Variants in ZSCAN5A observed in about 807,000 individuals in gnomAD.
The protein encoded by ZSCAN5A is zinc finger and SCAN domain-containing protein 5A.
ZSCAN5A carries 12 observed loss-of-function variants against 23.7 expected under a neutral mutation model. That is an observed-to-expected ratio of 0.51 (90% CI 0.32 to 0.82). The LOEUF (loss-of-function observed/expected upper bound fraction) is 0.82. Ranked by LOEUF, ZSCAN5A falls within the 40% of genes least tolerant of loss-of-function variation. The pLI is 0.03. For synonymous variants in ZSCAN5A, 257 were observed against 239.9 expected, an observed-to-expected ratio of 1.07 and a Z score of -0.66; for missense variants, 597 against 617.9, an observed-to-expected ratio of 0.97 and a Z score of 0.36.
At chr19:56,324,067 G>T (rs2041409895) in intron 2 of ZSCAN5A, among the ~76,000 whole-genome samples, 1 of 152,052 alleles carries the variant, frequency 6.6e-6, no homozygotes, top group Admixed American at 6.5e-5. Flanking sequence ...CTACTGAACA[G>T]TAGATCTTAT....
intron 2 of ZSCAN5A, among the ~76,000 whole-genome samples, chr19:56,267,242 GTTGT>G (rs1368605016): frequency 2.6e-5 from 4 of 151,940 alleles, no homozygotes; most frequent in African/African-American, 7.3e-5. Flanking sequence ...TGTCAATATT[GTTGT>G]TTGTCTTCCT....
chr19:56,346,779 G>A (rs1385586898), intron 2 of ZSCAN5A, among the ~76,000 whole-genome samples: 1 of 151,790 alleles, frequency 6.6e-6, no homozygotes, highest in Middle Eastern at 3.2e-3. Flanking sequence ...TGCCATCTCT[G>A]CTCACTGCAA....
intron 2 of ZSCAN5A, among the ~76,000 whole-genome samples, chr19:56,248,293 CTCTT>C (rs1255608790): frequency 1.3e-5 from 2 of 151,584 alleles, no homozygotes; most frequent in African/African-American, 2.4e-5. Flanking sequence ...TGGGGCCTCA[CTCTT>C]TCACCCAGGC....
At chr19:56,260,596 A>G (rs1447796308) in intron 2 of ZSCAN5A, among the ~76,000 whole-genome samples, 1 of 151,842 alleles carries the variant, frequency 6.6e-6, no homozygotes, top group Non-Finnish European at 1.5e-5. Context: ...TTTAATGTGC[A>G]GTAAAATATC....
At chr19:56,300,150 T>C (rs1354761568) in intron 2 of ZSCAN5A, among the ~76,000 whole-genome samples, 1 of 151,938 alleles carries the variant, frequency 6.6e-6, no homozygotes, top group African/African-American at 2.4e-5. Flanking sequence ...TCCACCCAGG[T>C]AGAAGAGAAA....
intron 2 of ZSCAN5A, chr19:56,263,201 T>C (rs1202763139): frequency 1.3e-5 from 2 of 152,230 alleles, no homozygotes; most frequent in African/African-American, 4.8e-5. Flanking sequence ...ATTGGGCTTC[T>C]GGAATGTGGT....
At chr19:56,303,742 A>T (rs2040496688) in intron 2 of ZSCAN5A, among the ~76,000 whole-genome samples, 1 of 152,178 alleles carries the variant, frequency 6.6e-6, no homozygotes, top group Admixed American at 6.5e-5. Flanking sequence ...GCCAGCTCCA[A>T]AAAACATGAA....
At chr19:56,298,127 C>G (rs893545313) in intron 2 of ZSCAN5A, 1 of 148,356 alleles carries the variant, frequency 6.7e-6, no homozygotes, top group East Asian at 2.0e-4. Context: ...AAGCGTAATA[C>G]AAATTTAATC....
chr19:56,242,043 T>C (rs1050950333), intron 2 of ZSCAN5A, among the ~76,000 whole-genome samples: 2 of 152,176 alleles, frequency 1.3e-5, no homozygotes, highest in Admixed American at 1.3e-4. Context: ...TCCTTTCCTC[T>C]GTGTACCTGC....
At chr19:56,255,672 A>G (rs2036644973) in intron 2 of ZSCAN5A, among the ~76,000 whole-genome samples, 1 of 151,844 alleles carries the variant, frequency 6.6e-6, no homozygotes, top group Admixed American at 6.6e-5. Flanking sequence ...GGTTGAATAA[A>G]CTGATCATAA....
At chr19:56,328,260 A>G (rs1186317355) in intron 2 of ZSCAN5A, among the ~76,000 whole-genome samples, 1 of 152,226 alleles carries the variant, frequency 6.6e-6, no homozygotes, top group Non-Finnish European at 1.5e-5. Flanking sequence ...AGATACAATT[A>G]TAAAGAAAAA....
chr19:56,309,371 A>G (rs1270505544), intron 2 of ZSCAN5A, among the ~76,000 whole-genome samples: 1 of 152,220 alleles, frequency 6.6e-6, no homozygotes, highest in African/African-American at 2.4e-5. Context: ...CCACTCTTAG[A>G]AGTGACAATT....
chr19:56,231,996 C>CTTTTTTTCTT (rs2034511395), intron 2 of ZSCAN5A, among the ~76,000 whole-genome samples: 1 of 124,986 alleles, frequency 8.0e-6, no homozygotes, highest in African/African-American at 3.0e-5. Flanking sequence ...TTTTTCTTTT[C>CTTTTTTTCTT]TTTTTTTTTG....
intron 2 of ZSCAN5A, among the ~76,000 whole-genome samples, chr19:56,293,831 G>A (rs1218381021): frequency 6.6e-6 from 1 of 152,044 alleles, no homozygotes; most frequent in Non-Finnish European, 1.5e-5. Flanking sequence ...ATCCTACAAT[G>A]CACAGGACAC....
chr19:56,267,886 T>G (rs2037583707), intron 2 of ZSCAN5A, among the ~76,000 whole-genome samples: 1 of 152,198 alleles, frequency 6.6e-6, no homozygotes, highest in Non-Finnish European at 1.5e-5. Context: ...ACACCTCCAT[T>G]TTTACTCCCT....
chr19:56,252,643 G>A (rs2036425713), intron 2 of ZSCAN5A, among the ~76,000 whole-genome samples: 1 of 152,168 alleles, frequency 6.6e-6, no homozygotes, highest in Non-Finnish European at 1.5e-5. Context: ...CCAGCTGTGG[G>A]GTGATAAGAA....
intron 2 of ZSCAN5A, among the ~76,000 whole-genome samples, chr19:56,237,169 TTG>T (rs960252132): frequency 1.3e-5 from 2 of 152,372 alleles, no homozygotes; most frequent in African/African-American, 4.8e-5. Flanking sequence ...CTCCGTTTTT[TTG>T]TGTTTTTGTC....
chr19:56,316,557 G>T, upstream of ZSCAN5A: 1 of 158,480 alleles, frequency 6.3e-6, no homozygotes, highest in South Asian at 1.7e-4. Context: ...TGAGGAGGGG[G>T]GAAAGAGTAG....
intron 2 of ZSCAN5A, among the ~76,000 whole-genome samples, chr19:56,301,319 C>T (rs1461424995): frequency 6.6e-6 from 1 of 152,098 alleles, no homozygotes; most frequent in African/African-American, 2.4e-5. Flanking sequence ...TTTCCTGGAG[C>T]TGAGGGTGCC....
Sources: gnomAD v4.1 joint callset for allele counts (sites outside exome capture counted in the v4.1 genomes callset) on GRCh38, gnomAD v4.1.1 for gene constraint, MANE v1.5 for transcripts, NCBI Gene and HGNC (gene_info 2026-07-23, HGNC 2026-07-21) for gene names.